The following TRPM6 variants were observed in gnomAD, a reference collection of about 807,000 sequenced individuals.
TRPM6 encodes the protein channel kinase 2.
In TRPM6, 111 loss-of-function variants were observed where a neutral mutation model predicts 247.6. That is an observed-to-expected ratio of 0.45 (90% confidence interval 0.38 to 0.52). The LOEUF (loss-of-function observed/expected upper bound fraction) is 0.52. TRPM6 is among the 20% of genes least tolerant of loss of function. TRPM6 has a pLI of 0.00. For missense variants in TRPM6, 2,126 were observed against 2,421.5 expected, an observed-to-expected ratio of 0.88 and a Z score of 2.56; for synonymous variants, 892 against 853.8, an observed-to-expected ratio of 1.04 and a Z score of -0.78.
At chr9:74,851,201 C>T (rs762074255) in intron 3 of TRPM6, among the ~76,000 whole-genome samples, 4 of 151,882 alleles carry the variant, frequency 2.6e-5, no homozygotes, top group Non-Finnish European at 4.4e-5. Flanking sequence ...TCTTTAATTA[C>T]AACTTTTGAA....
chr9:74,781,877 T>C (rs570148905), intron 23 of TRPM6, among the ~76,000 whole-genome samples: 22 of 152,314 alleles, frequency 1.4e-4, no homozygotes, highest in African/African-American at 5.1e-4. Flanking sequence ...TAACCACAGA[T>C]TGAAAATATT....
At chr9:74,852,321 A>G (rs10869447) in intron 3 of TRPM6, among the ~76,000 whole-genome samples, 46,865 of 150,978 alleles carry the variant, frequency 0.31, 8,504 homozygotes, top group East Asian at 0.5. Context: ...TCTCCTGAGT[A>G]GCTAGGACTA....
intron 3 of TRPM6, among the ~76,000 whole-genome samples, 167 bp downstream of exon 3, chr9:74,855,360 G>A (rs116600018): frequency 1.8e-4 from 28 of 152,222 alleles, no homozygotes; most frequent in African/African-American, 6.0e-4. Flanking sequence ...AGTCTATTAC[G>A]TTCGAATACT....
chr9:74,818,197 C>A (rs1262824478), intron 9 of TRPM6, among the ~76,000 whole-genome samples: 1 of 151,070 alleles, frequency 6.6e-6, no homozygotes, highest in African/African-American at 2.4e-5. Context: ...TTTACCTGTC[C>A]TTTTCTTAAC....
At position 74,755,490 on chromosome 9, in the gene TRPM6, T is replaced by G; in HGVS notation, c.4786-17A>C. The G allele has an allele frequency of 6.2e-7, 1 of 1,613,902 alleles. No homozygotes were observed. The highest frequency in any genetic ancestry group is 8.5e-7 in the Non-Finnish European group (1 of 1,179,936). ...TGTTATGATCTGGAGAGAAAGACAC[T>G]TGTTGGAACACAGTGACATTAATTC... On this transcript the variant is annotated splice_polypyrimidine_tract_variant and intron_variant, in intron 27 of 38. Transcript: ENST00000360774.
At chr9:74,828,256 T>C (rs2118061347) in intron 6 of TRPM6, among the ~76,000 whole-genome samples, 2 of 152,172 alleles carry the variant, frequency 1.3e-5, no homozygotes, top group Middle Eastern at 3.4e-3. Context: ...CTTGGGAGGC[T>C]GAGGCAGGAG....
chr9:74,753,272 T>G (rs1826319675), intron 28 of TRPM6, among the ~76,000 whole-genome samples: 1 of 152,134 alleles, frequency 6.6e-6, no homozygotes, highest in African/African-American at 2.4e-5. Flanking sequence ...ATTTAGTGAA[T>G]ACTTGGTTGG....
chr9:74,837,678 C>A (rs1309724282), intron 5 of TRPM6, among the ~76,000 whole-genome samples: 1 of 151,600 alleles, frequency 6.6e-6, no homozygotes, highest in Non-Finnish European at 1.5e-5. Context: ...GATCTCCTGA[C>A]CTTGTGATCC....
At chr9:74,775,681 C>T (rs148828898) in intron 24 of TRPM6, among the ~76,000 whole-genome samples, 112 of 152,216 alleles carry the variant, frequency 7.4e-4, no homozygotes, top group Admixed American at 1.8e-3. Context: ...TCTAAGTATC[C>T]GTTCATCTTG....
At chr9:74,780,892 C>T (rs960719682) in intron 23 of TRPM6, among the ~76,000 whole-genome samples, 6 of 152,126 alleles carry the variant, frequency 3.9e-5, no homozygotes, top group African/African-American at 2.4e-5. Flanking sequence ...AACAAAAACT[C>T]GTGTTCTTCC....
At chr9:74,861,266 C>A (rs1046589815) in intron 1 of TRPM6, among the ~76,000 whole-genome samples, 2 of 152,210 alleles carry the variant, frequency 1.3e-5, no homozygotes, top group East Asian at 3.9e-4. Context: ...TGAATAGGCC[C>A]CCACGCTGCA....
chr9:74,834,893 A>T (rs1371923368), intron 5 of TRPM6, among the ~76,000 whole-genome samples: 2 of 152,082 alleles, frequency 1.3e-5, no homozygotes, highest in Non-Finnish European at 2.9e-5. Context: ...GCCGCAATAA[A>T]CATACGTGTG....
intron 1 of TRPM6, among the ~76,000 whole-genome samples, chr9:74,876,311 T>C (rs1245282632): frequency 6.6e-6 from 1 of 152,220 alleles, no homozygotes; most frequent in Non-Finnish European, 1.5e-5. Flanking sequence ...CTCAAACTCC[T>C]GACCTCACGT....
At chr9:74,886,178 C>T (rs1219209210) in intron 1 of TRPM6, among the ~76,000 whole-genome samples, 1 of 152,122 alleles carries the variant, frequency 6.6e-6, no homozygotes, top group African/African-American at 2.4e-5. Flanking sequence ...TTAACACTAC[C>T]AAAGGGTACT....
intron 5 of TRPM6, among the ~76,000 whole-genome samples, chr9:74,834,806 T>C (rs1829669219): frequency 6.6e-6 from 1 of 152,162 alleles, no homozygotes; most frequent in African/African-American, 2.4e-5. Context: ...ATGGTGTATA[T>C]GTGCCACATT....
rs966765338 is a variant in TRPM6 at position 74,771,738 on chromosome 9, A to G, written c.3501T>C (p.Cys1167=). Reference sequence around the variant, plus strand: ...TCACTCGGATTCGTTCCTCACAACTACAATTCACATCTTCCATCTTCTCAT... The same window carrying G: ...TCACTCGGATTCGTTCCTCACAACTGCAATTCACATCTTCCATCTTCTCAT... ...YFHEKMEDVN[C]SCEERIRVTS... The change falls in exon 25 of 39, where the codon TGT becomes TGC. Residue 1167 remains cysteine, a synonymous_variant. Transcript: ENST00000360774. 17 of 1,613,870 alleles carry G rather than the reference A, an allele frequency of 1.1e-5. No homozygotes were observed. In the African/African-American group the frequency reaches 1.6e-4, roughly 15 times the overall value.
Position 74,722,744 on chromosome 9 carries a change from C to T in TRPM6, c.*1869G>A, listed in dbSNP as rs932699289. On this transcript the variant is annotated 3_prime_UTR_variant, in exon 39 of 39. Coordinates refer to ENST00000360774, the MANE Select transcript of TRPM6 (RefSeq NM_017662.5). ...CAATCAACAAATCACCCAAATTTCCCGCTTTCCACCACCCCAAAACCCAAG... is the reference window on the plus strand; with the variant it reads ...CAATCAACAAATCACCCAAATTTCCTGCTTTCCACCACCCCAAAACCCAAG... The T allele has an allele frequency of 3.3e-5, 5 of 152,168 alleles. No individual in the cohort carries two copies. Among genetic ancestry groups the T allele is most frequent in the African/African-American group, 4.8e-5 (2 of 41,438 alleles). 9.4% of individuals were successfully genotyped at this position (152,168 alleles called of 1,614,324 possible). A position where few individuals can be genotyped will look rare whatever the true frequency, so the allele number is the denominator to read the frequency against.
intron 30 of TRPM6, among the ~76,000 whole-genome samples, chr9:74,748,182 T>C: frequency 6.6e-6 from 1 of 152,222 alleles, no homozygotes; most frequent in East Asian, 1.9e-4. Flanking sequence ...GCGCAATGCA[T>C]TACTTATGTG....
At chr9:74,858,182 A>G (rs1830584808) in intron 2 of TRPM6, among the ~76,000 whole-genome samples, 1 of 152,166 alleles carries the variant, frequency 6.6e-6, no homozygotes, top group African/African-American at 2.4e-5. Context: ...AGGTCAGGAG[A>G]TTGAGACCAT....
Sources: gnomAD v4.1 joint callset for allele counts (sites outside exome capture counted in the v4.1 genomes callset) on GRCh38, gnomAD v4.1.1 for gene constraint, MANE v1.5 for transcripts, NCBI Gene and HGNC (gene_info 2026-07-23, HGNC 2026-07-21) for gene names.